GABRB2: variants seen among roughly 807,000 people sequenced by gnomAD.
GABRB2 encodes gamma-aminobutyric acid receptor subunit beta-2.
In GABRB2, 16 loss-of-function variants were observed where a neutral mutation model predicts 54.7. The ratio of observed to expected loss-of-function variants is 0.29; its 90% CI spans 0.20 to 0.44. The LOEUF (loss-of-function observed/expected upper bound fraction) is 0.44. GABRB2 is among the 20% of genes least tolerant of loss of function. The pLI, the probability that GABRB2 is intolerant of heterozygous loss-of-function variation, is 1.00. For synonymous variants in GABRB2, 244 were observed against 233.8 expected, an observed-to-expected ratio of 1.04 and a Z score of -0.40; for missense variants, 355 against 644.0, an observed-to-expected ratio of 0.55 and a Z score of 4.86.
chr5:161,369,824 T>A (rs894963719), intron 5 of GABRB2, among the ~76,000 whole-genome samples: 6 of 152,228 alleles, frequency 3.9e-5, no homozygotes, highest in Non-Finnish European at 7.3e-5. Flanking sequence ...CTTTCTTCAG[T>A]GTTTAATATG....
At chr5:161,405,308 C>T (rs1014663601) in intron 5 of GABRB2, among the ~76,000 whole-genome samples, 1 of 151,940 alleles carries the variant, frequency 6.6e-6, no homozygotes, top group Non-Finnish European at 1.5e-5. Context: ...TAAAATGTAA[C>T]TCTAACTGAG....
chr5:161,379,357 A>G (rs1382462635), intron 5 of GABRB2, among the ~76,000 whole-genome samples: 1 of 152,158 alleles, frequency 6.6e-6, no homozygotes, highest in African/African-American at 2.4e-5. Flanking sequence ...TCCAAGAATT[A>G]CTACTACAGG....
chr5:161,331,572 C>A (rs772205709), intron 7 of GABRB2, among the ~76,000 whole-genome samples: 13 of 151,968 alleles, frequency 8.6e-5, no homozygotes, highest in Admixed American at 2.0e-4. Flanking sequence ...TCATTTTTGA[C>A]TTATGGGGAC....
chr5:161,508,684 T>C (rs947657722), intron 3 of GABRB2, among the ~76,000 whole-genome samples: 8 of 152,034 alleles, frequency 5.3e-5, no homozygotes, highest in Non-Finnish European at 4.4e-5. Flanking sequence ...GTGGTTTCCA[T>C]GAGGAAGAGA....
intron 6 of GABRB2, 112 bp downstream of exon 6, chr5:161,336,501 CTGAGGGTTTTCAGTGGATT>C: frequency 9.3e-7 from 1 of 1,074,912 alleles, no homozygotes; most frequent in Non-Finnish European, 1.3e-6. Flanking sequence ...TCATGGGAAA[CTGAGGGTTTTCAGTGGATT>C]TGTCTTGTAA....
chr5:161,339,240 T>G (rs1347299050), intron 5 of GABRB2, among the ~76,000 whole-genome samples: 1 of 152,196 alleles, frequency 6.6e-6, no homozygotes, highest in East Asian at 1.9e-4. Flanking sequence ...GGTAATCATT[T>G]CCCATGAAGT....
intron 9 of GABRB2, among the ~76,000 whole-genome samples, chr5:161,324,598 C>T (rs974956074): frequency 2.6e-5 from 4 of 151,968 alleles, no homozygotes; most frequent in African/African-American, 9.7e-5. Context: ...AATATGAACC[C>T]AGTTCATATA....
intron 3 of GABRB2, among the ~76,000 whole-genome samples, chr5:161,523,026 T>C (rs1561681458): frequency 2.0e-5 from 3 of 151,580 alleles, no homozygotes; most frequent in African/African-American, 7.2e-5. Context: ...CTTATACATA[T>C]AGTAAATCAT....
At chr5:161,506,036 G>A (rs1051890004) in intron 3 of GABRB2, among the ~76,000 whole-genome samples, 13 of 150,964 alleles carry the variant, frequency 8.6e-5, no homozygotes, top group Admixed American at 7.9e-4. Context: ...GATTTTGTGT[G>A]TATATATATA....
At chr5:161,357,331 A>T (rs1283697652) in intron 5 of GABRB2, among the ~76,000 whole-genome samples, 2 of 152,186 alleles carry the variant, frequency 1.3e-5, no homozygotes, top group Non-Finnish European at 2.9e-5. Context: ...GACCAAAGCC[A>T]GGAACATGTG....
intron 5 of GABRB2, among the ~76,000 whole-genome samples, chr5:161,394,122 A>C (rs893935171): frequency 6.6e-6 from 1 of 152,036 alleles, no homozygotes; most frequent in African/African-American, 2.4e-5. Flanking sequence ...AATAAATTAT[A>C]AGACAAAAAT....
chr5:161,430,458 G>A (rs1213150584), intron 4 of GABRB2, among the ~76,000 whole-genome samples: 6 of 152,122 alleles, frequency 3.9e-5, no homozygotes, highest in African/African-American at 1.4e-4. Context: ...CATGCCTTGG[G>A]TAGCTACCCA....
intron 5 of GABRB2, among the ~76,000 whole-genome samples, chr5:161,406,957 C>CT (rs1756365095): frequency 6.6e-6 from 1 of 152,036 alleles, no homozygotes. Flanking sequence ...ATGTTGAAAA[C>CT]GAGAACACTA....
At chr5:161,300,248 G>T (rs1757498411) in intron 9 of GABRB2, among the ~76,000 whole-genome samples, 1 of 152,052 alleles carries the variant, frequency 6.6e-6, no homozygotes, top group Non-Finnish European at 1.5e-5. Context: ...TTATATAAAA[G>T]AAAAAATGAC....
At chr5:161,468,555 C>T (rs906801524) in intron 3 of GABRB2, among the ~76,000 whole-genome samples, 2 of 151,956 alleles carry the variant, frequency 1.3e-5, no homozygotes, top group Middle Eastern at 3.2e-3. Context: ...TCTGTCACAT[C>T]CCTCATTTTT....
At chr5:161,495,102 T>C (rs563809046) in intron 3 of GABRB2, among the ~76,000 whole-genome samples, 21 of 152,114 alleles carry the variant, frequency 1.4e-4, no homozygotes, top group African/African-American at 4.8e-4. Context: ...CAAATTAACA[T>C]CCAGCTATTC....
intron 3 of GABRB2, among the ~76,000 whole-genome samples, chr5:161,522,856 T>A (rs1029564730): frequency 5.3e-5 from 8 of 151,576 alleles, no homozygotes; most frequent in Non-Finnish European, 1.2e-4. Context: ...GATATTATCA[T>A]TATTGACTTG....
chr5:161,475,421 C>T (rs768756986), intron 3 of GABRB2, among the ~76,000 whole-genome samples: 3 of 151,864 alleles, frequency 2.0e-5, no homozygotes, highest in Non-Finnish European at 4.4e-5. Context: ...AGAATCAATC[C>T]TCTCCAATCT....
At chr5:161,459,883 C>G in intron 3 of GABRB2, 39 bp from the exon 4 acceptor site, 1 of 1,202,392 alleles carries the variant, frequency 8.3e-7, no homozygotes. Flanking sequence ...TAGTTTACAC[C>G]CAGACAGATC....
Sources: allele counts gnomAD v4.1 joint callset (sites outside exome capture counted in the v4.1 genomes callset), GRCh38; gene constraint gnomAD v4.1.1; transcripts MANE v1.5; gene names NCBI Gene and HGNC (gene_info 2026-07-23, HGNC 2026-07-21).